Variants in GRM5 observed in about 807,000 individuals in gnomAD.
GRM5 encodes the protein metabotropic glutamate receptor 5.
GRM5 carries 19 observed loss-of-function variants against 83.1 expected under a neutral mutation model. The ratio of observed to expected loss-of-function variants is 0.23; its 90% CI spans 0.16 to 0.34. The LOEUF is 0.34. GRM5 is among the 10% of genes least tolerant of loss of function. The pLI, the probability that GRM5 is intolerant of heterozygous loss-of-function variation, is 1.00. For missense variants in GRM5, 1,160 were observed against 1,588.3 expected (o/e 0.73, Z 4.58); for synonymous variants, 675 against 633.6 (o/e 1.07, Z -0.98).
chr11:89,061,001 G>A (rs1028666328), intron 1 of GRM5, among the ~76,000 whole-genome samples: 9 of 152,042 alleles, frequency 5.9e-5, no homozygotes, highest in African/African-American at 2.2e-4. Flanking sequence ...TTTCTAAAGT[G>A]CAGAATCTTC....
chr11:88,875,072 T>G (rs1944828041), intron 2 of GRM5, among the ~76,000 whole-genome samples: 2 of 109,258 alleles, frequency 1.8e-5, no homozygotes, highest in South Asian at 8.5e-4. Context: ...GTCTGCCACA[T>G]GAATTGACTG....
intron 4 of GRM5, among the ~76,000 whole-genome samples, chr11:88,631,643 A>C (rs1240023256): frequency 1.3e-5 from 2 of 152,170 alleles, no homozygotes; most frequent in Non-Finnish European, 2.9e-5. Flanking sequence ...AGCTGAATTT[A>C]ACATAAGTGA....
chr11:88,513,025 A>G lies in GRM5; in HGVS notation c.2727-3521T>C, dbSNP rs143484009. 7.0e-3 allele frequency among the ~76,000 whole-genome samples: 1,069 copies of G among 152,312 alleles called. 14 individuals are homozygous for G. Among genetic ancestry groups the G allele is most frequent in the African/African-American group, 0.024 (1,012 of 41,568 alleles). On this transcript the variant is annotated intron_variant, in intron 9 of 9. Coordinates refer to ENST00000305447, the MANE Select transcript of GRM5 (RefSeq NM_001143831.3). ...CCTCTACCCCATTAAATTCCAAATTAACCTTTTTCCTCAAATGCTTTCTCA... is the reference window on the plus strand; with the variant it reads ...CCTCTACCCCATTAAATTCCAAATTGACCTTTTTCCTCAAATGCTTTCTCA...
intron 3 of GRM5, among the ~76,000 whole-genome samples, chr11:88,704,056 A>G (rs1431419975): frequency 6.6e-6 from 1 of 152,052 alleles, no homozygotes; most frequent in East Asian, 1.9e-4. Context: ...TCCTCTCACT[A>G]TATCTTCAGA....
chr11:88,588,002 A>T (rs1591366684), intron 7 of GRM5, among the ~76,000 whole-genome samples: 1 of 152,274 alleles, frequency 6.6e-6, no homozygotes, highest in South Asian at 2.1e-4. Flanking sequence ...GCTGGGAAGA[A>T]ACGATAATTA....
chr11:88,595,034 T>C (rs1198127041), intron 6 of GRM5, among the ~76,000 whole-genome samples: 1 of 152,204 alleles, frequency 6.6e-6, no homozygotes, highest in Non-Finnish European at 1.5e-5. Flanking sequence ...TTCTTTAGCC[T>C]AAGAGTAATT....
At chr11:88,917,879 T>C (rs640211) in intron 2 of GRM5, among the ~76,000 whole-genome samples, 38,807 of 151,870 alleles carry the variant, frequency 0.26, 6,059 homozygotes, top group Non-Finnish European at 0.35. Context: ...TGGCCTTAAA[T>C]AGGAGACAGA....
intron 3 of GRM5, among the ~76,000 whole-genome samples, chr11:88,721,555 A>C (rs1941540454): frequency 6.6e-6 from 1 of 152,120 alleles, no homozygotes; most frequent in Non-Finnish European, 1.5e-5. Flanking sequence ...ATACATGCTT[A>C]TACTGTTAAT....
At chr11:88,675,729 C>T (rs530856349) in intron 3 of GRM5, among the ~76,000 whole-genome samples, 38 of 151,932 alleles carry the variant, frequency 2.5e-4, no homozygotes, top group Admixed American at 4.6e-4. Flanking sequence ...TTTGGACTTC[C>T]GTCACGTCAT....
At chr11:88,908,187 C>T (rs1271286405) in intron 2 of GRM5, among the ~76,000 whole-genome samples, 3 of 152,040 alleles carry the variant, frequency 2.0e-5, no homozygotes, top group Non-Finnish European at 4.4e-5. Flanking sequence ...ATTATATGTG[C>T]CATGAAAATA....
intron 3 of GRM5, among the ~76,000 whole-genome samples, chr11:88,759,748 C>T (rs1409428753): frequency 2.0e-5 from 3 of 152,078 alleles, no homozygotes; most frequent in Non-Finnish European, 4.4e-5. Context: ...CTACAGAACT[C>T]TCCACCCCAA....
intron 3 of GRM5, among the ~76,000 whole-genome samples, chr11:88,827,136 C>T (rs1029350787): frequency 2.2e-4 from 33 of 152,068 alleles, no homozygotes; most frequent in African/African-American, 8.0e-4. Context: ...CATCTGAACG[C>T]CAGTTATTTA....
chr11:88,833,599 C>T (rs1944038312), intron 3 of GRM5, among the ~76,000 whole-genome samples: 1 of 152,162 alleles, frequency 6.6e-6, no homozygotes, highest in Non-Finnish European at 1.5e-5. Context: ...ATCGTATGAT[C>T]AGCAATTCTA....
intron 2 of GRM5, among the ~76,000 whole-genome samples, chr11:88,898,902 T>C (rs1322728668): frequency 6.6e-6 from 1 of 152,010 alleles, no homozygotes; most frequent in Non-Finnish European, 1.5e-5. Flanking sequence ...AAGGACTAAA[T>C]GGAAAAATGG....
chr11:89,001,968 T>C (rs534061695), intron 2 of GRM5, among the ~76,000 whole-genome samples: 3 of 152,284 alleles, frequency 2.0e-5, no homozygotes, highest in East Asian at 1.9e-4. Context: ...TTTTTACTTA[T>C]ACTAAAACAA....
chr11:88,999,458 A>G (rs1472210899), intron 2 of GRM5, among the ~76,000 whole-genome samples: 1 of 152,218 alleles, frequency 6.6e-6, no homozygotes, highest in African/African-American at 2.4e-5. Context: ...AAAAGAAGAC[A>G]TTTATGCAGC....
chr11:88,678,789 A>G (rs1940401902), intron 3 of GRM5, among the ~76,000 whole-genome samples: 2 of 152,188 alleles, frequency 1.3e-5, no homozygotes, highest in South Asian at 4.1e-4. Context: ...TCAGATCCAA[A>G]GATGAGTGGT....
At chr11:89,035,349 C>T (rs1211423383) in intron 2 of GRM5, among the ~76,000 whole-genome samples, 2 of 151,676 alleles carry the variant, frequency 1.3e-5, no homozygotes, top group South Asian at 4.1e-4. Flanking sequence ...GGATAAAATG[C>T]TATCATATGT....
At chr11:88,582,017 C>T (rs1307509539) in intron 7 of GRM5, among the ~76,000 whole-genome samples, 1 of 152,152 alleles carries the variant, frequency 6.6e-6, no homozygotes, top group Non-Finnish European at 1.5e-5. Flanking sequence ...CGTTTACTCC[C>T]ATCCTAGCAC....
Sources: gnomAD v4.1 joint callset for allele counts (sites outside exome capture counted in the v4.1 genomes callset) on GRCh38, gnomAD v4.1.1 for gene constraint, MANE v1.5 for transcripts, NCBI Gene and HGNC (gene_info 2026-07-23, HGNC 2026-07-21) for gene names.